The following PPP3CA variants were observed in gnomAD, a reference collection of about 807,000 sequenced individuals.
The protein encoded by PPP3CA is protein phosphatase 3 catalytic subunit alpha, also known as CAM-PRP catalytic subunit.
A neutral mutation model predicts 66.5 loss-of-function variants in PPP3CA; 14 were observed. That is an observed-to-expected ratio of 0.21 (90% confidence interval 0.14 to 0.33). PPP3CA has a LOEUF of 0.33. Among genes scored for constraint, PPP3CA ranks in the 10% least tolerant of loss-of-function variants. PPP3CA has a pLI of 1.00. For synonymous variants in PPP3CA, 232 were observed against 226.2 expected (o/e 1.03, Z -0.23); for missense variants, 317 against 639.5 (o/e 0.50, Z 5.44).
At chr4:101,161,621 A>T (rs1723511680) in intron 2 of PPP3CA, among the ~76,000 whole-genome samples, 1 of 152,180 alleles carries the variant, frequency 6.6e-6, no homozygotes, top group African/African-American at 2.4e-5. Context: ...TCGGTTGGCA[A>T]TTAGGATTTT....
intron 1 of PPP3CA, among the ~76,000 whole-genome samples, chr4:101,319,019 C>G (rs1312463844): frequency 6.6e-6 from 1 of 151,972 alleles, no homozygotes; most frequent in South Asian, 2.1e-4. Flanking sequence ...GACAAGCAAT[C>G]TCTCAACTAA....
intron 1 of PPP3CA, among the ~76,000 whole-genome samples, chr4:101,230,709 C>T (rs1027515657): frequency 6.6e-6 from 1 of 151,648 alleles, no homozygotes; most frequent in African/African-American, 2.4e-5. Flanking sequence ...TGTCTTCCTT[C>T]TGCCTGCATA....
chr4:101,285,079 A>T (rs950894596), intron 1 of PPP3CA, among the ~76,000 whole-genome samples: 1 of 152,130 alleles, frequency 6.6e-6, no homozygotes, highest in African/African-American at 2.4e-5. Context: ...CTGATGGGAG[A>T]CAAGGATTCT....
intron 1 of PPP3CA, among the ~76,000 whole-genome samples, chr4:101,328,300 CTA>C (rs1417267073): frequency 6.6e-6 from 1 of 152,212 alleles, no homozygotes; most frequent in African/African-American, 2.4e-5. Flanking sequence ...AGGAGAAGCA[CTA>C]AAATTCTCAA....
At chr4:101,255,035 C>CA (rs1163406764) in intron 1 of PPP3CA, among the ~76,000 whole-genome samples, 1,698 of 44,306 alleles carry the variant, frequency 0.038, 33 homozygotes, top group African/African-American at 0.092. Flanking sequence ...AGTCCCGTCT[C>CA]AAAAAAAAAA....
intron 2 of PPP3CA, among the ~76,000 whole-genome samples, chr4:101,132,288 C>T (rs1722469392): frequency 6.6e-6 from 1 of 151,934 alleles, no homozygotes; most frequent in Admixed American, 6.6e-5. Context: ...CACAAAAAAA[C>T]CTTCAAAAAA....
intron 2 of PPP3CA, among the ~76,000 whole-genome samples, chr4:101,113,333 T>C (rs959386964): frequency 1.3e-5 from 2 of 152,130 alleles, no homozygotes; most frequent in African/African-American, 2.4e-5. Context: ...AATACACCTA[T>C]GCTTTTGAGC....
chr4:101,069,818 C>T (rs1728835293), intron 8 of PPP3CA, among the ~76,000 whole-genome samples: 1 of 152,164 alleles, frequency 6.6e-6, no homozygotes, highest in African/African-American at 2.4e-5. Context: ...CTTATAATTT[C>T]CTTCAGGACA....
intron 10 of PPP3CA, among the ~76,000 whole-genome samples, chr4:101,055,298 CCTT>C (rs1439421612): frequency 6.6e-6 from 1 of 152,072 alleles, no homozygotes. Flanking sequence ...CTGAAATGAG[CCTT>C]CTTCATTAAT....
chr4:101,222,604 T>G (rs1331153776), intron 1 of PPP3CA, among the ~76,000 whole-genome samples: 4 of 151,698 alleles, frequency 2.6e-5, no homozygotes, highest in Admixed American at 2.6e-4. Context: ...TGTTATTTTA[T>G]TCCAAGGTCA....
chr4:101,244,446 A>G (rs1440813287), intron 1 of PPP3CA, among the ~76,000 whole-genome samples: 3 of 152,214 alleles, frequency 2.0e-5, no homozygotes, highest in African/African-American at 7.2e-5. Context: ...CAAAGAAGTC[A>G]GCACACAGAG....
chr4:101,346,489 C>T (rs1729999912), intron 1 of PPP3CA, among the ~76,000 whole-genome samples: 1 of 152,048 alleles, frequency 6.6e-6, no homozygotes, highest in African/African-American at 2.4e-5. Flanking sequence ...CGCGGCTCAG[C>T]CATTTGCCAA....
intron 2 of PPP3CA, among the ~76,000 whole-genome samples, chr4:101,144,998 G>A (rs539565822): frequency 6.6e-6 from 1 of 152,128 alleles, no homozygotes; most frequent in East Asian, 1.9e-4. Context: ...ACTTCCCTTT[G>A]ATTGGTATAG....
intron 10 of PPP3CA, among the ~76,000 whole-genome samples, chr4:101,042,609 C>G (rs569588522): frequency 8.6e-5 from 13 of 152,040 alleles, no homozygotes; most frequent in Admixed American, 5.2e-4. Context: ...TCGGTCAGAA[C>G]ACTGGGGAGG....
intron 1 of PPP3CA, among the ~76,000 whole-genome samples, chr4:101,291,461 C>T (rs746239205): frequency 2.2e-4 from 32 of 148,234 alleles, no homozygotes; most frequent in Non-Finnish European, 3.8e-4. Flanking sequence ...CTCTGCCCTC[C>T]ACTCCAAGCC....
At chr4:101,072,669 T>C (rs1445895966) in intron 8 of PPP3CA, among the ~76,000 whole-genome samples, 1 of 152,192 alleles carries the variant, frequency 6.6e-6, no homozygotes, top group Non-Finnish European at 1.5e-5. Flanking sequence ...AGCATAAGTA[T>C]AGTATGCTAT....
intron 2 of PPP3CA, among the ~76,000 whole-genome samples, chr4:101,185,796 A>G (rs1194015403): frequency 2.0e-5 from 3 of 152,166 alleles, no homozygotes; most frequent in African/African-American, 7.2e-5. Context: ...ATTTTAATGG[A>G]AGGGTCATGG....
intron 1 of PPP3CA, among the ~76,000 whole-genome samples, chr4:101,196,701 T>C (rs894578667): frequency 2.0e-4 from 30 of 152,340 alleles, no homozygotes; most frequent in Admixed American, 4.6e-4. Flanking sequence ...ATGCTCTCAC[T>C]GAAGGGACCT....
intron 6 of PPP3CA, among the ~76,000 whole-genome samples, chr4:101,092,616 G>A (rs1169677269): frequency 6.6e-6 from 1 of 151,968 alleles, no homozygotes; most frequent in Non-Finnish European, 1.5e-5. Context: ...GCCCTGGTGT[G>A]TGATGTTCCC....
Sources: allele counts gnomAD v4.1 joint callset (sites outside exome capture counted in the v4.1 genomes callset), GRCh38; gene constraint gnomAD v4.1.1; transcripts MANE v1.5; gene names NCBI Gene and HGNC (gene_info 2026-07-23, HGNC 2026-07-21).